The following PGLYRP2 variants were observed in gnomAD, a reference collection of about 807,000 sequenced individuals.
PGLYRP2 encodes peptidoglycan recognition protein 2.
Under a neutral mutation model 46.2 loss-of-function variants are expected in PGLYRP2, and 38 were observed. That is an observed-to-expected ratio of 0.82 (90% confidence interval 0.64 to 1.08). PGLYRP2 has a LOEUF of 1.08. Ranked by LOEUF, PGLYRP2 falls within the 50% of genes least tolerant of loss-of-function variation. PGLYRP2 has a pLI of 0.00. For synonymous variants in PGLYRP2, 289 were observed against 329.4 expected, an observed-to-expected ratio of 0.88 and a Z score of 1.33; for missense variants, 713 against 755.9, an observed-to-expected ratio of 0.94 and a Z score of 0.67.
intron 1 of PGLYRP2, among the ~76,000 whole-genome samples, chr19:15,477,077 T>C (rs1970804257): frequency 6.6e-6 from 1 of 151,836 alleles, no homozygotes; most frequent in African/African-American, 2.4e-5. Context: ...AAATTGGGGA[T>C]GTTAGAGGGA....
Position 15,479,338 on chromosome 19 carries a change from A to C in PGLYRP2, c.34T>G (p.Leu12Val), listed in dbSNP as rs1460390981. The C allele has an allele frequency of 6.2e-7, 1 of 1,614,076 alleles. No homozygotes were observed. The highest frequency in any genetic ancestry group is 1.1e-5 in the South Asian group (1 of 91,078). ...AQGVLWILLGLLLWSDPGTAS... is the reference protein window; with the variant it reads ...AQGVLWILLGVLLWSDPGTAS... ...GTCCCTGGGTCTGACCACAGTAGCAATCCGAGTAGGATCCAGAGGACACCC... is the reference window on the plus strand; with the variant it reads ...GTCCCTGGGTCTGACCACAGTAGCACTCCGAGTAGGATCCAGAGGACACCC... Residue 12 changes from leucine (L) to valine (V), a missense_variant, in exon 1 of 5, where the codon TTG becomes GTG. Coordinates refer to ENST00000340880, the MANE Select transcript of PGLYRP2 (RefSeq NM_052890.4).
chr19:15,475,213 T>C (rs1970782537), intron 2 of PGLYRP2, among the ~76,000 whole-genome samples: 1 of 151,782 alleles, frequency 6.6e-6, no homozygotes, highest in South Asian at 2.1e-4. Context: ...GCTTAATGGG[T>C]GGATGTATGT....
intron 3 of PGLYRP2, among the ~76,000 whole-genome samples, chr19:15,471,565 C>T (rs534760515): frequency 5.3e-5 from 8 of 152,220 alleles, no homozygotes; most frequent in Non-Finnish European, 8.8e-5. Flanking sequence ...CCGCACCAGG[C>T]CTCCTTGTCT....
rs148071029 is a variant in PGLYRP2, at chr19:15,474,074, G to A, written c.1132+1464C>T. Reference sequence around the variant, plus strand: ...ACAGAAAAGCCGGGTGATGGCTCACGACTGTAACCCCAGCACTTTGGGAGG... The same window carrying A: ...ACAGAAAAGCCGGGTGATGGCTCACAACTGTAACCCCAGCACTTTGGGAGG... On this transcript the variant is annotated intron_variant, in intron 2 of 4. Coordinates refer to ENST00000340880, the MANE Select transcript of PGLYRP2 (RefSeq NM_052890.4). Among the ~76,000 whole-genome samples the A allele has an allele frequency of 2.3e-3, 351 of 152,250 alleles. 1 individual carries two copies. The highest frequency in any genetic ancestry group is 8.3e-3 in the African/African-American group (343 of 41,558).
intron 1 of PGLYRP2, 136 bp downstream of exon 1, chr19:15,479,175 A>T (rs1179031890): frequency 6.9e-5 from 61 of 879,260 alleles, no homozygotes; most frequent in Non-Finnish European, 3.8e-5. Flanking sequence ...GGGAATATCT[A>T]TGTCCCCATG....
At chr19:15,476,731 C>G (rs1970801574) in intron 1 of PGLYRP2, 123 bp from the exon 2 acceptor site, 1 of 805,706 alleles carries the variant, frequency 1.2e-6, no homozygotes, top group Non-Finnish European at 1.9e-6. Context: ...CAACACTATC[C>G]TTGTGTAGAT....
At chr19:15,471,289 A>AT (rs1164598266) in intron 3 of PGLYRP2, among the ~76,000 whole-genome samples, 1 of 149,236 alleles carries the variant, frequency 6.7e-6, no homozygotes, top group Non-Finnish European at 1.5e-5. Flanking sequence ...ATTTTTTTGT[A>AT]TTTTTTAGTA....
At position 15,468,764 on chromosome 19, in the gene PGLYRP2, C is replaced by G; in HGVS notation, c.1642-12G>C. The G allele has an allele frequency of 6.2e-7, 1 of 1,602,574 alleles. No individual in the cohort carries two copies. Among genetic ancestry groups the G allele is most frequent in the Non-Finnish European group, 8.5e-7 (1 of 1,173,386 alleles). On this transcript the variant is annotated splice_polypyrimidine_tract_variant and intron_variant, in intron 4 of 4. Coordinates refer to ENST00000340880, the MANE Select transcript of PGLYRP2 (RefSeq NM_052890.4). ...CTTGGCTTAACAGTCTGGAAAAAGA[C>G]AAGGGAGTGTGAGGCTTGGGGGTGG...
intron 2 of PGLYRP2, 93 bp from the exon 3 acceptor site, chr19:15,472,193 G>A: frequency 9.2e-7 from 1 of 1,085,576 alleles, no homozygotes. Flanking sequence ...CCATCCCTCA[G>A]CCTCCTCTCA....
intron 2 of PGLYRP2, among the ~76,000 whole-genome samples, chr19:15,474,575 G>A (rs1970777411): frequency 6.6e-6 from 1 of 152,124 alleles, no homozygotes; most frequent in African/African-American, 2.4e-5. Context: ...TACAGGCCTG[G>A]ATGGCTCTGG....
At chr19:15,477,721 T>TAAAAATAAAA (rs56127600) in intron 1 of PGLYRP2, among the ~76,000 whole-genome samples, 2 of 135,364 alleles carry the variant, frequency 1.5e-5, no homozygotes, top group African/African-American at 2.7e-5. Context: ...TAAAATAAAA[T>TAAAAATAAAA]TAAATTAAAA....
intron 1 of PGLYRP2, among the ~76,000 whole-genome samples, chr19:15,479,006 C>T (rs184046960): frequency 6.6e-6 from 1 of 152,216 alleles, no homozygotes; most frequent in East Asian, 1.9e-4. Flanking sequence ...TGTAGCTTTG[C>T]TCTTCTCTGC....
At chr19:15,472,171 C>T in intron 2 of PGLYRP2, 71 bp from the exon 3 acceptor site, 3 of 1,298,410 alleles carry the variant, frequency 2.3e-6, no homozygotes, top group East Asian at 2.5e-5. Context: ...CGCATTAAAG[C>T]GCACATACAG....
chr19:15,469,402 TG>T lies in PGLYRP2; in HGVS notation c.1641+229del. On this transcript the variant is annotated intron_variant, in intron 4 of 4. Transcript: ENST00000340880. This position sits in a 1 kb window ranked among gnomAD's most constrained non-coding sequence, Gnocchi z 4.9. ...GGGGAAAGGACAGGCTGGCTGGGTC[TG>T]GGGCTGAGCTGAGGCTGCATAGGCA... The T allele has an allele frequency of 1.4e-6, 1 of 728,628 alleles. No homozygotes were observed. The highest frequency in any genetic ancestry group is 2.5e-6 in the Non-Finnish European group (1 of 408,004). 45.1% of individuals were successfully genotyped at this position (728,628 alleles called of 1,614,324 possible).
In PGLYRP2 at chr19:15,475,770, C is replaced by T; in HGVS notation, c.900G>A (p.Leu300=). The change falls in exon 2 of 5, where the codon CTG becomes CTA. Residue 300 remains leucine (L), a synonymous_variant. Transcript: ENST00000340880. The part of the protein sequence containing the change: ...PEPRPSLSHL[L]SQYYGAGVAR... ...CCACCCCAGCCCCATAGTACTGGCT[C>T]AGCAAGTGGCTGAGGGATGGCCGGG... 1 of 1,614,092 alleles carries T rather than the reference C, an allele frequency of 6.2e-7. No individual in the cohort carries two copies. The highest frequency in any genetic ancestry group is 1.1e-5 in the South Asian group (1 of 91,088).
chr19:15,476,231 C>G lies in PGLYRP2; in HGVS notation c.439G>C (p.Ala147Pro). 1 of 1,614,192 alleles carries G rather than the reference C, an allele frequency of 6.2e-7. No homozygotes were observed. The highest frequency in any genetic ancestry group is 8.5e-7 in the Non-Finnish European group (1 of 1,180,020). ...VINLPLDSMA[A>P]PWETGDTFPD... ...AAGGTATCTCCAGTCTCCCAAGGGGCAGCCATGCTGTCCAAGGGCAAATTT... is the reference window on the plus strand; with the variant it reads ...AAGGTATCTCCAGTCTCCCAAGGGGGAGCCATGCTGTCCAAGGGCAAATTT... The change falls in exon 2 of 5, where the codon GCC becomes CCC. Residue 147 changes from alanine to proline, a missense_variant. By Grantham distance (27) the Ala-to-Pro change is conservative. Coordinates refer to ENST00000340880, the MANE Select transcript of PGLYRP2 (RefSeq NM_052890.4).
intron 1 of PGLYRP2, among the ~76,000 whole-genome samples, chr19:15,477,042 G>A (rs976409486): frequency 7.9e-5 from 12 of 152,112 alleles, no homozygotes; most frequent in African/African-American, 2.9e-4. Context: ...GAGATGGATG[G>A]TCTTTTGTGA....
At chr19:15,474,882 G>A (rs1970779491) in intron 2 of PGLYRP2, among the ~76,000 whole-genome samples, 1 of 151,974 alleles carries the variant, frequency 6.6e-6, no homozygotes, top group Admixed American at 6.6e-5. Flanking sequence ...AGCTACTCAG[G>A]AGGCTGAGAC....
chr19:15,472,158 A>G, intron 2 of PGLYRP2, 58 bp from the exon 3 acceptor site: 1 of 1,434,196 alleles, frequency 7.0e-7, no homozygotes, highest in Non-Finnish European at 9.5e-7. Flanking sequence ...CTGTTCCTCC[A>G]CCCGCATTAA....
Sources: allele counts gnomAD v4.1 joint callset (sites outside exome capture counted in the v4.1 genomes callset), GRCh38; gene constraint gnomAD v4.1.1; non-coding constraint Gnocchi (gnomAD v3.1); transcripts MANE v1.5; gene names NCBI Gene and HGNC (gene_info 2026-07-23, HGNC 2026-07-21).